PTK2: variants seen among roughly 807,000 people sequenced by gnomAD.
The protein encoded by PTK2 is focal adhesion kinase 1.
A neutral mutation model predicts 150.1 loss-of-function variants in PTK2; 45 were observed. The ratio of observed to expected loss-of-function variants is 0.30; its 90% CI spans 0.24 to 0.38. The LOEUF is 0.38. Among genes scored for constraint, PTK2 ranks in the 10% least tolerant of loss-of-function variants. The pLI is 1.00. For synonymous variants in PTK2, 432 were observed against 449.2 expected, an observed-to-expected ratio of 0.96 and a Z score of 0.48; for missense variants, 919 against 1,307.3, an observed-to-expected ratio of 0.70 and a Z score of 4.58.
At chr8:140,774,023 T>C (rs2100077037) in intron 14 of PTK2, among the ~76,000 whole-genome samples, 1 of 152,176 alleles carries the variant, frequency 6.6e-6, no homozygotes, top group African/African-American at 2.4e-5. Context: ...TCCAACTTTC[T>C]ATGTGATTAC....
chr8:140,849,399 TTA>T (rs2100127729), intron 5 of PTK2, among the ~76,000 whole-genome samples: 1 of 152,218 alleles, frequency 6.6e-6, no homozygotes, highest in African/African-American at 2.4e-5. Flanking sequence ...AGACTCAGAA[TTA>T]TGTACACACT....
intron 31 of PTK2, among the ~76,000 whole-genome samples, chr8:140,661,599 T>C (rs372974605): frequency 1.8e-4 from 28 of 152,234 alleles, no homozygotes; most frequent in African/African-American, 6.0e-4. Context: ...TGAGAAGAAC[T>C]ACCAGAGTGA....
intron 5 of PTK2, among the ~76,000 whole-genome samples, chr8:140,847,414 T>C (rs1442872379): frequency 1.3e-5 from 2 of 152,214 alleles, no homozygotes; most frequent in African/African-American, 4.8e-5. Context: ...AAGAGTGATA[T>C]CAATACGTGC....
At chr8:140,945,268 G>C (rs573469042) in intron 1 of PTK2, among the ~76,000 whole-genome samples, 1 of 152,282 alleles carries the variant, frequency 6.6e-6, no homozygotes, top group South Asian at 2.1e-4. Context: ...TATATCCTAT[G>C]TTCAGGTTTT....
At chr8:140,830,219 A>G (rs2100114558) in intron 8 of PTK2, among the ~76,000 whole-genome samples, 1 of 152,242 alleles carries the variant, frequency 6.6e-6, no homozygotes, top group South Asian at 2.1e-4. Context: ...AACTGTGCAC[A>G]TAACTTTTTT....
chr8:140,967,969 G>A (rs879510919), intron 1 of PTK2, among the ~76,000 whole-genome samples: 6 of 152,154 alleles, frequency 3.9e-5, no homozygotes, highest in Non-Finnish European at 8.8e-5. Context: ...CATTAAGAAT[G>A]TGAATATGTT....
intron 23 of PTK2, among the ~76,000 whole-genome samples, chr8:140,712,216 T>C (rs1301372165): frequency 1.3e-5 from 2 of 152,020 alleles, no homozygotes; most frequent in African/African-American, 4.8e-5. Flanking sequence ...AACCTACTTT[T>C]TCAAAACCAA....
chr8:140,819,093 T>C, intron 8 of PTK2, 73 bp from the exon 9 acceptor site: 1 of 1,482,612 alleles, frequency 6.7e-7, no homozygotes. Context: ...AATGGTAAGA[T>C]TTCTTTCCTA....
At chr8:140,722,240 T>C (rs995196800) in intron 22 of PTK2, among the ~76,000 whole-genome samples, 1 of 152,230 alleles carries the variant, frequency 6.6e-6, no homozygotes, top group Non-Finnish European at 1.5e-5. Context: ...CCCAAAGTGC[T>C]GGGATTATAG....
At chr8:140,982,521 C>T (rs2100191810) in intron 1 of PTK2, among the ~76,000 whole-genome samples, 1 of 152,146 alleles carries the variant, frequency 6.6e-6, no homozygotes, top group Admixed American at 6.6e-5. Context: ...CGCTTGAACC[C>T]GGGAGGCGGA....
chr8:140,884,228 C>A (rs1401134090), intron 3 of PTK2, among the ~76,000 whole-genome samples: 3 of 152,062 alleles, frequency 2.0e-5, no homozygotes, highest in Non-Finnish European at 4.4e-5. Context: ...GAAATCACTA[C>A]CTCAATCACT....
intron 3 of PTK2, among the ~76,000 whole-genome samples, chr8:140,887,914 T>A (rs1307223114): frequency 6.6e-6 from 1 of 152,202 alleles, no homozygotes; most frequent in Non-Finnish European, 1.5e-5. Flanking sequence ...TGCACATGGC[T>A]ACGATAATGG....
chr8:140,937,001 T>C (rs1015232260), intron 1 of PTK2, among the ~76,000 whole-genome samples: 3 of 152,056 alleles, frequency 2.0e-5, no homozygotes, highest in Non-Finnish European at 2.9e-5. Flanking sequence ...ATAAAGTAGT[T>C]TACTCACAAA....
At chr8:140,823,915 A>G (rs1358182797) in intron 8 of PTK2, among the ~76,000 whole-genome samples, 1 of 152,214 alleles carries the variant, frequency 6.6e-6, no homozygotes, top group Non-Finnish European at 1.5e-5. Flanking sequence ...CATTCTTCAA[A>G]TGTAACCCAA....
chr8:140,752,378 T>G, intron 16 of PTK2, 62 bp from the exon 20 acceptor site: 2 of 1,475,656 alleles, frequency 1.4e-6, no homozygotes, highest in Non-Finnish European at 1.9e-6. Flanking sequence ...ATTAATTGAT[T>G]CATGAAAACC....
chr8:140,733,949 T>C (rs901692869), intron 22 of PTK2, among the ~76,000 whole-genome samples: 3 of 152,226 alleles, frequency 2.0e-5, no homozygotes, highest in Non-Finnish European at 1.5e-5. Context: ...GGGGCAGGGA[T>C]TGGGTCTTGT....
intron 3 of PTK2, among the ~76,000 whole-genome samples, chr8:140,888,772 G>C (rs1450754155): frequency 3.3e-5 from 4 of 121,492 alleles, no homozygotes; most frequent in Non-Finnish European, 6.3e-5. Context: ...GAACATTTTT[G>C]CTAAATGTCT....
chr8:140,718,376 G>C (rs987122905), intron 22 of PTK2: 3 of 152,272 alleles, frequency 2.0e-5, no homozygotes, highest in East Asian at 1.9e-4. Flanking sequence ...CCGCTGCAGC[G>C]ACTGCTAGGC....
At chr8:140,801,396 C>T (rs2100094928) in intron 11 of PTK2, among the ~76,000 whole-genome samples, 1 of 152,190 alleles carries the variant, frequency 6.6e-6, no homozygotes, top group Non-Finnish European at 1.5e-5. Flanking sequence ...GTAGTATTTG[C>T]CAAATGGCTC....
Sources: allele counts gnomAD v4.1 joint callset (sites outside exome capture counted in the v4.1 genomes callset), GRCh38; gene constraint gnomAD v4.1.1; transcripts MANE v1.5; gene names NCBI Gene and HGNC (gene_info 2026-07-23, HGNC 2026-07-21).